The following EEA1 variants were observed in gnomAD, a reference collection of about 807,000 sequenced individuals.
The protein encoded by EEA1 is early endosome antigen 1, 162kD.
A neutral mutation model predicts 209.2 loss-of-function variants in EEA1; 111 were observed. The observed-to-expected ratio is 0.53, with a 90% CI of 0.45 to 0.62. The LOEUF (loss-of-function observed/expected upper bound fraction) is 0.62. EEA1 is among the 20% of genes least tolerant of loss of function. EEA1 has a pLI of 0.00. For synonymous variants in EEA1, 536 were observed against 540.6 expected (o/e 0.99, Z 0.12); for missense variants, 1,343 against 1,530.8 (o/e 0.88, Z 2.05).
intron 1 of EEA1, among the ~76,000 whole-genome samples, chr12:92,925,142 TTGTC>T (rs1881161077): frequency 6.6e-6 from 1 of 151,272 alleles, no homozygotes; most frequent in South Asian, 2.1e-4. Flanking sequence ...TTACCCATCA[TTGTC>T]TGCACAGCAC....
intron 2 of EEA1, among the ~76,000 whole-genome samples, chr12:92,867,264 C>T (rs1565842176): frequency 6.6e-6 from 1 of 152,154 alleles, no homozygotes; most frequent in Admixed American, 6.5e-5. Context: ...TGTGCCTTTG[C>T]GTATACTGCT....
rs1316055094 is a variant in EEA1 at position 92,821,954 on chromosome 12, TCTC to T, written c.1525-2446_1525-2444del. Among the ~76,000 whole-genome samples, 5 of 150,428 alleles carry T rather than the reference TCTC, an allele frequency of 3.3e-5. No homozygotes were observed. The East Asian group carries it at 5.8e-4, about 18-fold the overall frequency. On this transcript the variant is annotated intron_variant, in intron 13 of 28. Transcript: ENST00000322349. ...TTCTTTTTCTAATGCTCTAAACTCA[TCTC>T]CTACTACTCTTCTTCTGATCCATGA...
rs140070762 is a variant in EEA1 at position 92,861,534 on chromosome 12, A to C, written c.245+3326T>G. Among the ~76,000 whole-genome samples, 1,212 of 152,318 alleles carry C rather than the reference A, an allele frequency of 8.0e-3. 24 individuals carry two copies. The highest frequency in any genetic ancestry group is 0.027 in the African/African-American group (1,115 of 41,576). On this transcript the variant is annotated intron_variant, in intron 3 of 28. Coordinates refer to ENST00000322349, the MANE Select transcript of EEA1 (RefSeq NM_003566.4). The stretch of plus-strand genomic sequence containing the variant: ...AAATTCATCCTACAGATATACTCAA[A>C]CAAGTACAAATGGTATCTCCAAAGG...
rs1021787300 is a variant in EEA1 at position 92,770,945 on chromosome 12, T to C, written c.*5066A>G. On this transcript the variant is annotated 3_prime_UTR_variant, in exon 29 of 29. Transcript: ENST00000322349. ...GTAAGGTATCTGTCTCTTAACTTTATTTTTTGAAGAATGATGGTGTTTGCC... is the reference window on the plus strand; with the variant it reads ...GTAAGGTATCTGTCTCTTAACTTTACTTTTTGAAGAATGATGGTGTTTGCC... 1 of 152,152 alleles carries C rather than the reference T, an allele frequency of 6.6e-6. No individual in the cohort carries two copies. The highest frequency in any genetic ancestry group is 1.5e-5 in the Non-Finnish European group (1 of 68,038). The allele number at this position is 152,152 out of a possible 1,614,324, so 9.4% of individuals were successfully genotyped here.
At chr12:92,813,507 A>G (rs1875624295) in intron 15 of EEA1, among the ~76,000 whole-genome samples, 1 of 152,220 alleles carries the variant, frequency 6.6e-6, no homozygotes, top group Non-Finnish European at 1.5e-5. Flanking sequence ...CAATGACTCA[A>G]AACAGCCAGA....
intron 14 of EEA1, among the ~76,000 whole-genome samples, chr12:92,818,187 C>G (rs1875882737): frequency 1.3e-5 from 2 of 151,832 alleles, no homozygotes; most frequent in African/African-American, 4.8e-5. Flanking sequence ...CCTCCCTGAA[C>G]TTCAGTCTCT....
rs1876720739 is a variant in EEA1 at position 92,832,801 on chromosome 12, T to C, written c.965A>G (p.Glu322Gly). Residue 322 changes from glutamate to glycine, a missense_variant, in exon 11 of 29, where the codon GAG becomes GGG. Coordinates refer to ENST00000322349, the MANE Select transcript of EEA1 (RefSeq NM_003566.4). ...LKKEQDYTKL[E>G]EKHNEESVSK... ...CACAGATTCTTCATTATGTTTCTCCTCTAACTTAGTATAGTCTTGTTCTTT... is the reference window on the plus strand; with the variant it reads ...CACAGATTCTTCATTATGTTTCTCCCCTAACTTAGTATAGTCTTGTTCTTT... The C allele has an allele frequency of 5.0e-6, 8 of 1,613,726 alleles. No homozygotes were observed. Among genetic ancestry groups the C allele is most frequent in the Non-Finnish European group, 6.8e-6 (8 of 1,179,940 alleles).
chr12:92,922,356 A>G (rs575890150), intron 1 of EEA1, among the ~76,000 whole-genome samples: 26 of 152,304 alleles, frequency 1.7e-4, no homozygotes, highest in African/African-American at 6.3e-4. Context: ...TTGAAAATCA[A>G]TTTATTCTTT....
chr12:92,788,109 A>G, intron 21 of EEA1, 60 bp from the exon 22 acceptor site: 1 of 1,378,934 alleles, frequency 7.3e-7, no homozygotes, highest in South Asian at 1.8e-5. Flanking sequence ...TACAAATATA[A>G]AGTAAAATCC....
intron 11 of EEA1, among the ~76,000 whole-genome samples, chr12:92,831,535 TATC>T (rs1294754078): frequency 2.7e-5 from 4 of 147,590 alleles, no homozygotes; most frequent in East Asian, 3.9e-4. Context: ...TATATATCAA[TATC>T]ATGATATGAA....
At chr12:92,886,403 G>GGA in intron 2 of EEA1, among the ~76,000 whole-genome samples, 3 of 90,110 alleles carry the variant, frequency 3.3e-5, no homozygotes, top group South Asian at 5.1e-4. Context: ...GAGGGGAGGG[G>GGA]AGGGGAGGGG....
At chr12:92,871,034 C>A (rs1421765231) in intron 2 of EEA1, among the ~76,000 whole-genome samples, 1 of 151,948 alleles carries the variant, frequency 6.6e-6, no homozygotes, top group South Asian at 2.1e-4. Context: ...TAAGTAAGAG[C>A]AAAGTATTTT....
intron 10 of EEA1, among the ~76,000 whole-genome samples, chr12:92,837,810 TACCTGTG>T (rs1876996418): frequency 6.6e-6 from 1 of 152,220 alleles, no homozygotes; most frequent in Non-Finnish European, 1.5e-5. Flanking sequence ...ACGTTGATAC[TACCTGTG>T]ACCCACAAAA....
At position 92,857,411 on chromosome 12, in the gene EEA1, A is replaced by G. The variant is rs774595616; in HGVS notation, c.300+20T>C. The G allele has an allele frequency of 9.5e-6, 15 of 1,586,864 alleles. No individual in the cohort carries two copies. In the African/African-American group the frequency reaches 1.6e-4, roughly 17 times the overall value. ...TCTGAAACACTGAAAATAAAAAGGT[A>G]TAACAATTTTTATTCTTACCTTAAG... On this transcript the variant is annotated intron_variant, in intron 4 of 28. Transcript: ENST00000322349.
intron 1 of EEA1, among the ~76,000 whole-genome samples, chr12:92,899,850 G>T: frequency 6.6e-6 from 1 of 152,158 alleles, no homozygotes; most frequent in South Asian, 2.1e-4. Flanking sequence ...TGGACTGGAG[G>T]CACAGCAGGA....
intron 6 of EEA1, 74 bp downstream of exon 6, chr12:92,853,841 A>G: frequency 7.4e-7 from 1 of 1,354,026 alleles, no homozygotes; most frequent in Non-Finnish European, 1.0e-6. Flanking sequence ...TTTGGCAGGC[A>G]TCAAAGAAAA....
intron 23 of EEA1, among the ~76,000 whole-genome samples, chr12:92,781,484 A>T (rs1291187761): frequency 6.6e-6 from 1 of 152,196 alleles, no homozygotes; most frequent in Non-Finnish European, 1.5e-5. Flanking sequence ...GATTTTTAAA[A>T]TGTACTGGTC....
chr12:92,836,469 G>C (rs879550425), intron 10 of EEA1, among the ~76,000 whole-genome samples: 3 of 152,092 alleles, frequency 2.0e-5, no homozygotes, highest in Non-Finnish European at 4.4e-5. Context: ...AATATAAAAA[G>C]AGTGCCATGT....
At chr12:92,793,453 G>A (rs1355798335) in intron 21 of EEA1, among the ~76,000 whole-genome samples, 2 of 152,174 alleles carry the variant, frequency 1.3e-5, no homozygotes, top group South Asian at 4.1e-4. Context: ...CAAAATCAAT[G>A]TGCAAAAATC....
Sources: allele counts gnomAD v4.1 joint callset (sites outside exome capture counted in the v4.1 genomes callset), GRCh38; gene constraint gnomAD v4.1.1; transcripts MANE v1.5; gene names NCBI Gene and HGNC (gene_info 2026-07-23, HGNC 2026-07-21).